The following RILPL1 variants were observed in gnomAD, a reference collection of about 807,000 sequenced individuals.
RILPL1 encodes the protein Rab interacting lysosomal protein like 1.
Under a neutral mutation model 50.3 loss-of-function variants are expected in RILPL1, and 33 were observed. That is an observed-to-expected ratio of 0.66 (90% CI 0.50 to 0.88). The LOEUF is 0.88. Ranked by LOEUF, RILPL1 falls within the 40% of genes least tolerant of loss-of-function variation. The pLI is 0.00. For synonymous variants in RILPL1, 205 were observed against 228.6 expected (o/e 0.90, Z 0.93); for missense variants, 418 against 542.5 (o/e 0.77, Z 2.28).
At position 123,523,609 on chromosome 12, in the gene RILPL1, C is replaced by T. The variant is rs1181743304; in HGVS notation, c.346G>A (p.Ala116Thr). Residue 116 changes from alanine to threonine, a missense_variant, in exon 2 of 7, where the codon GCG becomes ACG. Transcript: ENST00000376874. ...ELVEDVWRGE[A>T]QDLLSQIAQL... ...GCGATCTGGGAGAGGAGGTCCTGCG[C>T]CTCCCCTCGCCACACATCCTCCACC... 6.2e-7 allele frequency: 1 copy of T among 1,613,882 alleles called. No individual in the cohort carries two copies. The highest frequency in any genetic ancestry group is 1.7e-5 in the Admixed American group (1 of 60,022).
chr12:123,512,659 GCT>G (rs1884413094), intron 2 of RILPL1, among the ~76,000 whole-genome samples: 1 of 140,376 alleles, frequency 7.1e-6, no homozygotes, highest in Non-Finnish European at 1.5e-5. Flanking sequence ...TGGTGTGAGA[GCT>G]GTGTGTGTGT....
intron 6 of RILPL1, chr12:123,475,801 G>A: frequency 2.4e-6 from 3 of 1,228,236 alleles, no homozygotes; most frequent in Non-Finnish European, 2.3e-6. Context: ...CGGGAGGCAT[G>A]AAAAAGAAAC....
At position 123,498,826 on chromosome 12, in the gene RILPL1, T is replaced by C; in HGVS notation, c.580-61A>G. On this transcript the variant is annotated intron_variant, in intron 3 of 6. Transcript: ENST00000376874. The surrounding 1 kb of genome is among the most constrained non-coding windows in gnomAD (Gnocchi z 4.3). The stretch of plus-strand genomic sequence containing the variant: ...ACCTGCGGTAGCTCAGGTTGTACAC[T>C]GCACAACGGCAAACCATCCATAGGT... 1 of 1,492,612 alleles carries C rather than the reference T, an allele frequency of 6.7e-7. No homozygotes were observed. Among genetic ancestry groups the C allele is most frequent in the Non-Finnish European group, 9.3e-7 (1 of 1,079,558 alleles). The allele number at this position is 1,492,612 out of a possible 1,614,324, so 92.5% of individuals were successfully genotyped here. A position where few individuals can be genotyped will look rare whatever the true frequency, so the allele number is the denominator to read the frequency against.
At chr12:123,518,339 T>C (rs1428197627) in intron 2 of RILPL1, 2 of 426,626 alleles carry the variant, frequency 4.7e-6, no homozygotes, top group East Asian at 1.7e-4. Flanking sequence ...CCCCCGTCTC[T>C]ACCAAAAAAA....
Position 123,533,148 on chromosome 12 carries a change from A to G in RILPL1, c.309+26T>C. Reference sequence around the variant, plus strand: ...GGGTCCCCGCGGTCCCACTGCCCGGACGGACAGACCGAGGCCGCCGCCCAC... The same window carrying G: ...GGGTCCCCGCGGTCCCACTGCCCGGGCGGACAGACCGAGGCCGCCGCCCAC... On this transcript the variant is annotated intron_variant, in intron 1 of 6. Transcript: ENST00000376874. The surrounding 1 kb of genome is among the most constrained non-coding windows in gnomAD (Gnocchi z 6.2). 1.3e-6 allele frequency: 2 copies of G among 1,507,778 alleles called. No individual in the cohort carries two copies. Among genetic ancestry groups the G allele is most frequent in the Non-Finnish European group, 1.8e-6 (2 of 1,128,168 alleles). The allele number at this position is 1,507,778 out of a possible 1,614,324, so 93.4% of individuals were successfully genotyped here.
intron 4 of RILPL1, among the ~76,000 whole-genome samples, chr12:123,493,785 T>C (rs1006128111): frequency 3.4e-5 from 2 of 59,678 alleles, no homozygotes; most frequent in Non-Finnish European, 7.3e-5. Flanking sequence ...GCCCTGCCTC[T>C]TTTTTTTTTT....
At position 123,533,312 on chromosome 12, in the gene RILPL1, G is replaced by C. The variant is rs368755460; in HGVS notation, c.171C>G (p.Val57=). The part of the protein sequence containing the change: ...CEAIARLMPK[V]VRVLEILEVL... ...CCTCCAGGATCTCCAGGACGCGCAC[G>C]ACCTTGGGCATGAGGCGCGCGATGG... The change falls in exon 1 of 7, where the codon GTC becomes GTG. Residue 57 remains valine, a synonymous_variant. Transcript: ENST00000376874. This position sits in a 1 kb window ranked among gnomAD's most constrained non-coding sequence, Gnocchi z 6.2. 158 of 1,583,680 alleles carry C rather than the reference G, an allele frequency of 1.0e-4. No homozygotes were observed. Among genetic ancestry groups the C allele is most frequent in the Non-Finnish European group, 1.2e-4 (143 of 1,168,836 alleles).
chr12:123,481,081 G>T (rs897269696), intron 6 of RILPL1, among the ~76,000 whole-genome samples: 5 of 152,276 alleles, frequency 3.3e-5, no homozygotes, highest in South Asian at 4.1e-4. Flanking sequence ...ACCTGGCCGG[G>T]CGCGGTGGCT....
At chr12:123,510,982 GT>G (rs1884109982) in intron 2 of RILPL1, among the ~76,000 whole-genome samples, 1 of 145,554 alleles carries the variant, frequency 6.9e-6, no homozygotes, top group Admixed American at 6.9e-5. Context: ...TGTGTGTGGT[GT>G]GTGTGAGGTC....
intron 6 of RILPL1, chr12:123,475,829 G>A: frequency 1.2e-6 from 1 of 857,934 alleles, no homozygotes; most frequent in Non-Finnish European, 1.9e-6. Context: ...ACAGACACCA[G>A]TGGAAGGGTT....
Position 123,491,443 on chromosome 12 carries a change from T to A in RILPL1, c.802-5638A>T, listed in dbSNP as rs1277079388. Among the ~76,000 whole-genome samples, 3 of 152,144 alleles carry A rather than the reference T, an allele frequency of 2.0e-5. No homozygotes were observed. The highest frequency in any genetic ancestry group is 4.4e-5 in the Non-Finnish European group (3 of 68,022). On this transcript the variant is annotated intron_variant, in intron 4 of 6. Transcript: ENST00000376874. The surrounding 1 kb of genome is among the most constrained non-coding windows in gnomAD (Gnocchi z 4.0). ...GGCCTTAGGGAGGCAGCATCCTGGGTCAGGGCCTCCATCCCGAGGCCTTAG... is the reference window on the plus strand; with the variant it reads ...GGCCTTAGGGAGGCAGCATCCTGGGACAGGGCCTCCATCCCGAGGCCTTAG...
chr12:123,509,761 C>T (rs928680414), intron 2 of RILPL1, among the ~76,000 whole-genome samples: 1 of 152,220 alleles, frequency 6.6e-6, no homozygotes, highest in Non-Finnish European at 1.5e-5. Flanking sequence ...GTCCAGCGCC[C>T]TGCTGCCCAC....
chr12:123,505,415 C>T (rs1215421482), intron 2 of RILPL1, among the ~76,000 whole-genome samples: 2 of 152,114 alleles, frequency 1.3e-5, no homozygotes, highest in Non-Finnish European at 2.9e-5. Context: ...CCTTGACCTC[C>T]CAGGCTCAAG....
intron 1 of RILPL1, among the ~76,000 whole-genome samples, chr12:123,531,506 C>T (rs1415434872): frequency 2.6e-5 from 4 of 152,054 alleles, no homozygotes; most frequent in Non-Finnish European, 5.9e-5. Context: ...AGGTCCCTTG[C>T]CTCCTTGACC....
chr12:123,523,742 T>C (rs1260495659), intron 1 of RILPL1, 97 bp from the exon 2 acceptor site: 2 of 1,404,928 alleles, frequency 1.4e-6, no homozygotes, highest in East Asian at 2.5e-5. Flanking sequence ...GCTGGGACTT[T>C]GGGCCATCCC....
intron 4 of RILPL1, among the ~76,000 whole-genome samples, chr12:123,494,318 A>C (rs1882893383): frequency 1.3e-5 from 2 of 152,318 alleles, no homozygotes; most frequent in South Asian, 4.1e-4. Context: ...CAGAGCTCCA[A>C]GGGATAGATG....
chr12:123,494,310 G>C (rs1206604660), intron 4 of RILPL1, among the ~76,000 whole-genome samples: 1 of 152,172 alleles, frequency 6.6e-6, no homozygotes, highest in African/African-American at 2.4e-5. Flanking sequence ...TGAACTCACA[G>C]AGCTCCAAGG....
chr12:123,484,193 C>A lies in RILPL1; in HGVS notation c.1054G>T (p.Gly352Cys). 4 of 1,608,714 alleles carry A rather than the reference C, an allele frequency of 2.5e-6. No individual in the cohort carries two copies. Among genetic ancestry groups the A allele is most frequent in the Non-Finnish European group, 3.4e-6 (4 of 1,175,694 alleles). ...CGCATCACTTACAGTCGCTTGATGC[C>A]CGACTCCGGCTGGGGGGACGTCCTC... Reference protein sequence around the residue: ...HPRTSPQPESGIKRLFSFFSR... With the variant: ...HPRTSPQPESCIKRLFSFFSR... Residue 352 changes from glycine (G) to cysteine (C), a missense_variant, in exon 6 of 7, where the codon GGC (glycine) becomes TGC (cysteine). Transcript: ENST00000376874.
chr12:123,524,565 G>A (rs1213377495), intron 1 of RILPL1, among the ~76,000 whole-genome samples: 1 of 152,056 alleles, frequency 6.6e-6, no homozygotes, highest in African/African-American at 2.4e-5. Context: ...AATAAACATG[G>A]CACATCCATA....
Sources: gnomAD v4.1 joint callset for allele counts (sites outside exome capture counted in the v4.1 genomes callset) on GRCh38, gnomAD v4.1.1 for gene constraint, Gnocchi (gnomAD v3.1) non-coding constraint, MANE v1.5 for transcripts, NCBI Gene and HGNC (gene_info 2026-07-23, HGNC 2026-07-21) for gene names.